AFG2B: variants seen among roughly 807,000 people sequenced by gnomAD.
The protein encoded by AFG2B is ATPase family gene 2 protein homolog B.
chr15:45,418,471 A>G, the AFG2B span: 1 of 1,376,662 alleles, frequency 7.3e-7, no homozygotes, highest in African/African-American at 1.5e-5. Context: ...TGTGAAAGGA[A>G]ACTCAAGCTA....
At chr15:45,402,563 C>G in the AFG2B span, 2 of 1,582,896 alleles carry the variant, frequency 1.3e-6, no homozygotes, top group Non-Finnish European at 1.7e-6. Flanking sequence ...CGCTTGGGCT[C>G]GGCAGTGAAG....
At chr15:45,402,622 CG>C in the AFG2B span, 32 of 1,576,066 alleles carry the variant, frequency 2.0e-5, no homozygotes, top group Non-Finnish European at 2.7e-5. Context: ...CTGGCCTCGG[CG>C]GGACGGAGCG....
chr15:45,410,352 T>C, the AFG2B span: 2 of 1,601,974 alleles, frequency 1.2e-6, no homozygotes, highest in Non-Finnish European at 1.7e-6. Context: ...GATTTTGCTT[T>C]TTTGGGTGTA....
At chr15:45,402,340 T>C in the AFG2B span, 1 of 1,526,962 alleles carries the variant, frequency 6.5e-7, no homozygotes, top group East Asian at 2.5e-5. Context: ...GCGCGCAATC[T>C]GCTTCCGGCC....
chr15:45,411,198 CG>C, the AFG2B span, among the ~76,000 whole-genome samples: 2 of 151,842 alleles, frequency 1.3e-5, no homozygotes, highest in East Asian at 1.9e-4. Flanking sequence ...AAACCGTGTC[CG>C]GGGGGAAAAA....
chr15:45,405,642 A>G, the AFG2B span: 2 of 780,264 alleles, frequency 2.6e-6, no homozygotes, highest in Non-Finnish European at 4.0e-6. Flanking sequence ...TACATTTTAC[A>G]TCTCAACTCT....
the AFG2B span, among the ~76,000 whole-genome samples, chr15:45,414,942 T>A: frequency 6.6e-6 from 1 of 152,234 alleles, no homozygotes; most frequent in Admixed American, 6.5e-5. Flanking sequence ...TATGAAATCC[T>A]TCATAATCCT....
At chr15:45,402,784 C>T in the AFG2B span, 15 of 1,589,132 alleles carry the variant, frequency 9.4e-6, no homozygotes, top group Non-Finnish European at 1.3e-5. Context: ...GTTGCGAGAG[C>T]GGGCAGGCGC....
At chr15:45,414,814 T>C in the AFG2B span, 1 of 1,562,350 alleles carries the variant, frequency 6.4e-7, no homozygotes, top group Non-Finnish European at 8.8e-7. Flanking sequence ...TAAATTTACT[T>C]TTGAATTTTT....
the AFG2B span, among the ~76,000 whole-genome samples, chr15:45,420,835 T>C: frequency 1.3e-5 from 2 of 151,932 alleles, no homozygotes; most frequent in Non-Finnish European, 2.9e-5. Context: ...CTACTAAAAA[T>C]ACAAAAATTA....
At chr15:45,408,800 A>C in the AFG2B span, among the ~76,000 whole-genome samples, 14 of 152,164 alleles carry the variant, frequency 9.2e-5, no homozygotes, top group Non-Finnish European at 1.9e-4. Context: ...TAGAATGATC[A>C]CTTGAGCCCA....
the AFG2B span, among the ~76,000 whole-genome samples, chr15:45,413,254 T>C: frequency 6.6e-6 from 1 of 152,320 alleles, no homozygotes; most frequent in South Asian, 2.1e-4. Context: ...GGTGATTTTA[T>C]GATGATCTTG....
chr15:45,410,618 CTCTTGCTCCTA>C, the AFG2B span: 2 of 1,250,432 alleles, frequency 1.6e-6, no homozygotes, highest in Non-Finnish European at 2.2e-6. Flanking sequence ...GCTGAAACTG[CTCTTGCTCCTA>C]TCACTAATGT....
chr15:45,410,535 G>C, the AFG2B span: 1 of 1,598,094 alleles, frequency 6.3e-7, no homozygotes, highest in South Asian at 1.1e-5. Context: ...AAACAGGTAA[G>C]ACAGATAATC....
the AFG2B span, chr15:45,402,596 C>G: frequency 2.5e-6 from 4 of 1,571,116 alleles, no homozygotes; most frequent in Non-Finnish European, 3.4e-6. Flanking sequence ...GACGGCGGCT[C>G]CTGCCTCTGC....
chr15:45,407,179 G>T, the AFG2B span: 5 of 1,269,560 alleles, frequency 3.9e-6, no homozygotes, highest in Non-Finnish European at 5.1e-6. Flanking sequence ...AGGGGAAGTG[G>T]AAGGAAGAAA....
the AFG2B span, chr15:45,415,462 C>T: frequency 6.2e-6 from 5 of 800,334 alleles, no homozygotes; most frequent in Non-Finnish European, 7.6e-6. Context: ...CGCATCACTA[C>T]ACTCCAAACT....
At chr15:45,408,315 A>G in the AFG2B span, among the ~76,000 whole-genome samples, 1 of 152,204 alleles carries the variant, frequency 6.6e-6, no homozygotes, top group Non-Finnish European at 1.5e-5. Context: ...TTTTTGCCAA[A>G]TAAGCTTTAT....
chr15:45,405,244 A>G, the AFG2B span: 1 of 1,390,134 alleles, frequency 7.2e-7, no homozygotes, highest in East Asian at 2.5e-5. Context: ...ACCTCCATCC[A>G]TGAGATCAAC....
Sources: gnomAD v4.1 joint callset for allele counts (sites outside exome capture counted in the v4.1 genomes callset) on GRCh38, gnomAD v4.1.1 for gene constraint, MANE v1.5 for transcripts, NCBI Gene and HGNC (gene_info 2026-07-23, HGNC 2026-07-21) for gene names.